The following C8B variants were observed in gnomAD, a reference collection of about 807,000 sequenced individuals.
The protein encoded by C8B is complement component C8 beta chain.
Under a neutral mutation model 64.6 loss-of-function variants are expected in C8B, and 67 were observed. The observed-to-expected ratio is 1.04, with a 90% confidence interval of 0.85 to 1.27. The LOEUF (loss-of-function observed/expected upper bound fraction) is 1.27, where lower values mean the gene tolerates loss of function less well. Among genes scored for constraint, C8B ranks in the 50% most tolerant of loss-of-function variants. The pLI is 0.00. For synonymous variants in C8B, 284 were observed against 257.7 expected, an observed-to-expected ratio of 1.10 and a Z score of -0.98; for missense variants, 790 against 725.2, an observed-to-expected ratio of 1.09 and a Z score of -1.03.
At chr1:56,930,555 A>G (rs1644685924) in intron 11 of C8B, among the ~76,000 whole-genome samples, 1 of 152,186 alleles carries the variant, frequency 6.6e-6, no homozygotes, top group African/African-American at 2.4e-5. Flanking sequence ...GAGAGGGTGG[A>G]CAACCTTGAG....
intron 2 of C8B, among the ~76,000 whole-genome samples, 154 bp from the exon 3 acceptor site, chr1:56,957,064 C>T (rs1015225501): frequency 6.6e-6 from 1 of 152,148 alleles, no homozygotes; most frequent in African/African-American, 2.4e-5. Context: ...TGTGCTCCCC[C>T]CATTATATAT....
intron 8 of C8B, among the ~76,000 whole-genome samples, chr1:56,941,558 C>T (rs1227937377): frequency 1.3e-5 from 2 of 150,722 alleles, no homozygotes; most frequent in African/African-American, 2.4e-5. Context: ...AGATAATAGA[C>T]AGACAGACAC....
intron 10 of C8B, 100 bp from the exon 11 acceptor site, chr1:56,931,978 A>G: frequency 2.4e-6 from 2 of 835,270 alleles, no homozygotes; most frequent in East Asian, 2.6e-5. Flanking sequence ...AGGTTAAAAC[A>G]GAGCACATAT....
intron 6 of C8B, 75 bp from the exon 7 acceptor site, chr1:56,946,136 A>G: frequency 6.4e-7 from 1 of 1,554,802 alleles, no homozygotes; most frequent in Non-Finnish European, 8.8e-7. Context: ...AACTTTACAA[A>G]TACCATCCGA....
At chr1:56,959,559 G>A (rs1201723490) in intron 2 of C8B, 11 of 1,532,896 alleles carry the variant, frequency 7.2e-6, no homozygotes, top group South Asian at 2.4e-5. Context: ...AACGCCCAGA[G>A]AGAGTGAAGG....
At chr1:56,945,341 G>T (rs1211473396) in intron 7 of C8B, among the ~76,000 whole-genome samples, 1 of 152,228 alleles carries the variant, frequency 6.6e-6, no homozygotes, top group Admixed American at 6.5e-5. Flanking sequence ...AAGGTGGACT[G>T]CTAGTTTTAT....
At position 56,929,288 on chromosome 1, in the gene C8B, G is replaced by T; in HGVS notation, c.*116C>A. 9.9e-7 allele frequency: 1 copy of T among 1,012,806 alleles called. No individual in the cohort carries two copies. The highest frequency in any genetic ancestry group is 1.6e-6 in the Non-Finnish European group (1 of 634,736). The allele number at this position is 1,012,806 out of a possible 1,614,324, so 62.7% of individuals were successfully genotyped here. Reference sequence around the variant, plus strand: ...ATCTTTATTTTAAACAGCTTGCATGGCACTGCCTTTTGCCCTTGCATGAAC... The same window carrying T: ...ATCTTTATTTTAAACAGCTTGCATGTCACTGCCTTTTGCCCTTGCATGAAC... On this transcript the variant is annotated 3_prime_UTR_variant, in exon 12 of 12. Coordinates refer to ENST00000371237, the MANE Select transcript of C8B (RefSeq NM_000066.4).
At position 56,940,132 on chromosome 1, in the gene C8B, T is replaced by G. The variant is rs115471157; in HGVS notation, c.1398+717A>C. ...TGTAGCATAGCAGGAATTTAGCAAC[T>G]ATTTGTTGGTTGAATGCATAATGTT... On this transcript the variant is annotated intron_variant, in intron 9 of 11. Coordinates refer to ENST00000371237, the MANE Select transcript of C8B (RefSeq NM_000066.4). Among the ~76,000 whole-genome samples the G allele has an allele frequency of 5.0e-3, 762 of 152,328 alleles. 13 individuals carry two copies. In the South Asian group the frequency reaches 0.06, roughly 12 times the overall value.
chr1:56,935,837 G>A (rs1570373772), intron 9 of C8B, among the ~76,000 whole-genome samples: 1 of 152,174 alleles, frequency 6.6e-6, no homozygotes, highest in East Asian at 1.9e-4. Context: ...TTTTGGGCAG[G>A]TAGATGGACC....
chr1:56,946,752 A>G (rs1346021646), intron 6 of C8B, among the ~76,000 whole-genome samples: 1 of 152,236 alleles, frequency 6.6e-6, no homozygotes, highest in Non-Finnish European at 1.5e-5. Context: ...GATGAAGTAT[A>G]AACATCTAGA....
intron 9 of C8B, among the ~76,000 whole-genome samples, chr1:56,934,588 G>T (rs17301146): frequency 6.6e-6 from 1 of 152,034 alleles, no homozygotes; most frequent in African/African-American, 2.4e-5. Flanking sequence ...TTTAGGGTAC[G>T]TCTAAATGCA....
intron 9 of C8B, among the ~76,000 whole-genome samples, chr1:56,934,140 CTTT>C (rs57782394): frequency 0.44 from 64,913 of 145,880 alleles, 14,804 homozygotes; most frequent in Non-Finnish European, 0.51. Flanking sequence ...TCAATACTGT[CTTT>C]TTTTTTTTAT....
intron 10 of C8B, 134 bp downstream of exon 10, chr1:56,933,201 C>T: frequency 1.3e-6 from 1 of 794,848 alleles, no homozygotes; most frequent in East Asian, 2.5e-5. Flanking sequence ...CCCAGGTATA[C>T]TGACAGCCAG....
intron 1 of C8B, among the ~76,000 whole-genome samples, 200 bp from the exon 2 acceptor site, chr1:56,960,376 C>T (rs1484281277): frequency 3.3e-5 from 5 of 152,108 alleles, no homozygotes; most frequent in African/African-American, 7.2e-5. Flanking sequence ...TTAATTAATT[C>T]CATTCCTTAA....
chr1:56,953,277 A>G (rs1645052415), intron 4 of C8B, among the ~76,000 whole-genome samples: 1 of 152,090 alleles, frequency 6.6e-6, no homozygotes, highest in Admixed American at 6.5e-5. Flanking sequence ...TCTGTTCCTC[A>G]CCAGAATTGT....
chr1:56,945,873 C>A lies in C8B; in HGVS notation c.1053G>T (p.Gly351=), dbSNP rs780288681. ...TAACGAGGGTGTATTCATAAATGCC[C>A]CCAAGCACAGCCTCTGTGATGTAGT... ...GTHYITEAVL[G]GIYEYTLVMN... The change falls in exon 7 of 12, where the codon GGG becomes GGT. Residue 351 remains glycine, a synonymous_variant. Coordinates refer to ENST00000371237, the MANE Select transcript of C8B (RefSeq NM_000066.4). 1.2e-6 allele frequency: 2 copies of A among 1,614,080 alleles called. No individual in the cohort carries two copies. Among genetic ancestry groups the A allele is most frequent in the Non-Finnish European group, 1.7e-6 (2 of 1,179,996 alleles).
intron 9 of C8B, among the ~76,000 whole-genome samples, chr1:56,939,788 C>G (rs1458004963): frequency 1.3e-5 from 2 of 152,192 alleles, no homozygotes; most frequent in Non-Finnish European, 2.9e-5. Flanking sequence ...TTTGTTTGAA[C>G]CGAATAGACT....
chr1:56,954,502 C>T (rs1348958697), intron 4 of C8B, among the ~76,000 whole-genome samples, 184 bp downstream of exon 4: 1 of 152,166 alleles, frequency 6.6e-6, no homozygotes, highest in African/African-American at 2.4e-5. Flanking sequence ...GTCCATGGGA[C>T]GTGTTCCTGG....
chr1:56,954,896 A>C, intron 3 of C8B, 69 bp from the exon 4 acceptor site: 5 of 1,591,814 alleles, frequency 3.1e-6, no homozygotes, highest in Non-Finnish European at 4.3e-6. Flanking sequence ...TAGTATAAGC[A>C]CCTACCAAGT....
Sources: gnomAD v4.1 joint callset for allele counts (sites outside exome capture counted in the v4.1 genomes callset) on GRCh38, gnomAD v4.1.1 for gene constraint, MANE v1.5 for transcripts, NCBI Gene and HGNC (gene_info 2026-07-23, HGNC 2026-07-21) for gene names.